HK1: variants seen among roughly 807,000 people sequenced by gnomAD.
HK1 encodes the protein hexokinase-1.
Under a neutral mutation model 91.6 loss-of-function variants are expected in HK1, and 28 were observed. The observed-to-expected ratio is 0.31, with a 90% confidence interval of 0.23 to 0.42. The LOEUF (loss-of-function observed/expected upper bound fraction) is 0.42, where lower values mean the gene tolerates loss of function less well. Among genes scored for constraint, HK1 ranks in the 10% least tolerant of loss-of-function variants. The pLI is 1.00. For missense variants in HK1, 770 were observed against 1,219.8 expected (o/e 0.63, Z 5.49); for synonymous variants, 430 against 468.1 (o/e 0.92, Z 1.05).
At chr10:69,364,752 G>T (rs1183001977) in intron 3 of HK1, 31 bp from the exon 4 acceptor site, 1 of 1,614,088 alleles carries the variant, frequency 6.2e-7, no homozygotes, top group Non-Finnish European at 8.5e-7. Context: ...CCTGCTTTGG[G>T]GCCCCCTGAC....
chr10:69,359,728 G>A (rs114978205), intron 2 of HK1, among the ~76,000 whole-genome samples, 169 bp from the exon 3 acceptor site: 1,869 of 152,298 alleles, frequency 0.012, 39 homozygotes, highest in African/African-American at 0.042. Context: ...CCTACTCTGC[G>A]TATATGGCAG....
At chr10:69,375,872 C>T (rs767178076) in intron 7 of HK1, among the ~76,000 whole-genome samples, 1 of 152,222 alleles carries the variant, frequency 6.6e-6, no homozygotes, top group Non-Finnish European at 1.5e-5. Context: ...GCTTCTATCT[C>T]TACACCTGGC....
At chr10:69,305,077 T>C (rs1846043870) in intron 5 of HK1, among the ~76,000 whole-genome samples, 1 of 152,128 alleles carries the variant, frequency 6.6e-6, no homozygotes, top group South Asian at 2.1e-4. Flanking sequence ...TCTGTGTATG[T>C]CCCTTCACAT....
At chr10:69,304,876 A>G (rs79268745) in intron 5 of HK1, among the ~76,000 whole-genome samples, 4,597 of 152,184 alleles carry the variant, frequency 0.03, 240 homozygotes, top group African/African-American at 0.1. Context: ...TAGGATTCAC[A>G]TCTTGCTTCT....
rs138742733 is a variant in HK1, at chr10:69,392,030, C to T, written c.2036-95C>T. On this transcript the variant is annotated intron_variant, in intron 14 of 17. Coordinates refer to ENST00000359426, the MANE Select transcript of HK1 (RefSeq NM_000188.3). ...TTGTTCATCACAAAAAACGTGCCCC[C>T]TGCCTGTGGAACCTCAGGCCCCAGA... 1.0e-4 allele frequency: 125 copies of T among 1,226,192 alleles called. No individual in the cohort carries two copies. The African/African-American group carries it at 1.7e-3, about 17-fold the overall frequency. The allele number at this position is 1,226,192 out of a possible 1,614,324, so 76.0% of individuals were successfully genotyped here. A position where few individuals can be genotyped will look rare whatever the true frequency, so the allele number is the denominator to read the frequency against.
chr10:69,346,094 G>T (rs1186933091), intron 2 of HK1, among the ~76,000 whole-genome samples: 1 of 152,138 alleles, frequency 6.6e-6, no homozygotes, highest in Non-Finnish European at 1.5e-5. Flanking sequence ...GTTGTGCCGG[G>T]CTTCTGTCTT....
intron 7 of HK1, among the ~76,000 whole-genome samples, 176 bp from the exon 8 acceptor site, chr10:69,376,758 T>C (rs988733442): frequency 6.6e-6 from 1 of 152,172 alleles, no homozygotes; most frequent in Non-Finnish European, 1.5e-5. Flanking sequence ...TCGGCTTGGC[T>C]TCCGATCCCT....
chr10:69,364,992 T>G (rs1015718332), intron 4 of HK1, 90 bp downstream of exon 4: 4 of 1,450,174 alleles, frequency 2.8e-6, no homozygotes, highest in Non-Finnish European at 3.9e-6. Context: ...TCCCCTTTGT[T>G]GGCAGAATGG....
intron 2 of HK1, among the ~76,000 whole-genome samples, chr10:69,352,281 C>T (rs1420316724): frequency 6.6e-6 from 1 of 152,184 alleles, no homozygotes; most frequent in African/African-American, 2.4e-5. Flanking sequence ...GCATGAGCCA[C>T]TGCGCCCGGC....
In HK1 at chr10:69,369,937, C is replaced by T. The variant is rs1024931461; in HGVS notation, c.875+313C>T. On this transcript the variant is annotated intron_variant, in intron 7 of 17. Coordinates refer to ENST00000359426, the MANE Select transcript of HK1 (RefSeq NM_000188.3). This position sits in a 1 kb window ranked among gnomAD's most constrained non-coding sequence, Gnocchi z 4.4. ...ATTTTTAGTAGAGACAGAGTTTCACCATGTTGGCCAGGCTGGTCTCAAACT... is the reference window on the plus strand; with the variant it reads ...ATTTTTAGTAGAGACAGAGTTTCACTATGTTGGCCAGGCTGGTCTCAAACT... 6.6e-6 allele frequency among the ~76,000 whole-genome samples: 1 copy of T among 152,060 alleles called. No homozygotes were observed. The highest frequency in any genetic ancestry group is 6.6e-5 in the Admixed American group (1 of 15,258).
In HK1 at chr10:69,327,101, T is replaced by C. The variant is rs184415784; in HGVS notation, c.63+8091T>C. 2.0e-5 allele frequency among the ~76,000 whole-genome samples: 3 copies of C among 146,572 alleles called. No individual in the cohort carries two copies. In the Admixed American group the frequency reaches 2.2e-4, roughly 11 times the overall value. On this transcript the variant is annotated intron_variant, in intron 1 of 17. Transcript: ENST00000359426. ...CTCACAGCAACCTCTGCCTCCTGGG[T>C]TCAAGCAATCCTCCTGCCTCAGCCT...
chr10:69,393,650 A>G (rs1840011114), intron 15 of HK1, among the ~76,000 whole-genome samples: 1 of 152,264 alleles, frequency 6.6e-6, no homozygotes, highest in Admixed American at 6.5e-5. Context: ...GGAAGAACCA[A>G]TAGTACCATA....
chr10:69,333,133 C>T (rs1404813666), intron 1 of HK1, among the ~76,000 whole-genome samples: 3 of 152,226 alleles, frequency 2.0e-5, no homozygotes, highest in Admixed American at 6.5e-5. Context: ...GATGGAAATA[C>T]ACAAGAGATC....
chr10:69,303,923 T>C (rs1227269164), intron 5 of HK1, among the ~76,000 whole-genome samples: 1 of 152,144 alleles, frequency 6.6e-6, no homozygotes, highest in Non-Finnish European at 1.5e-5. Context: ...ATTGGTTGGG[T>C]CAGAGATGAA....
At chr10:69,297,513 C>T (rs1414191973) in intron 4 of HK1, among the ~76,000 whole-genome samples, 1 of 152,188 alleles carries the variant, frequency 6.6e-6, no homozygotes, top group African/African-American at 2.4e-5. Context: ...GTACCCAGGA[C>T]TCTCACAATG....
At chr10:69,357,519 C>G (rs914502747) in intron 2 of HK1, among the ~76,000 whole-genome samples, 3 of 152,092 alleles carry the variant, frequency 2.0e-5, no homozygotes, top group Admixed American at 2.0e-4. Flanking sequence ...GGCGTGATCT[C>G]AGCTCACTGC....
At chr10:69,350,397 G>A (rs913392792) in intron 2 of HK1, among the ~76,000 whole-genome samples, 6 of 152,116 alleles carry the variant, frequency 3.9e-5, no homozygotes, top group East Asian at 1.9e-4. Flanking sequence ...TCTTTTGCCC[G>A]GCAGCGTATA....
rs1164323064 is a variant in HK1, at chr10:69,384,731, G to A, written c.1720-65G>A. 3.7e-6 allele frequency: 6 copies of A among 1,609,228 alleles called. No individual in the cohort carries two copies. The South Asian group carries it at 4.4e-5, about 12-fold the overall frequency. On this transcript the variant is annotated intron_variant, in intron 11 of 17. Coordinates refer to ENST00000359426, the MANE Select transcript of HK1 (RefSeq NM_000188.3). ...CGTGTGTGTGTGTATACACACTTTG[G>A]TCCATGTGCACTGATAAAATTAAAA...
chr10:69,387,425 A>G (rs1474532203), intron 13 of HK1, among the ~76,000 whole-genome samples: 1 of 152,042 alleles, frequency 6.6e-6, no homozygotes, highest in Non-Finnish European at 1.5e-5. Flanking sequence ...AGTAGCTGGG[A>G]TTACAGGTGG....
Sources: allele counts gnomAD v4.1 joint callset (sites outside exome capture counted in the v4.1 genomes callset), GRCh38; gene constraint gnomAD v4.1.1; non-coding constraint Gnocchi (gnomAD v3.1); transcripts MANE v1.5; gene names NCBI Gene and HGNC (gene_info 2026-07-23, HGNC 2026-07-21).